CDH2: variants seen among roughly 807,000 people sequenced by gnomAD.
CDH2 encodes the protein cadherin 2, also known as cadherin-2.
In CDH2, 17 loss-of-function variants were observed where a neutral mutation model predicts 92.0. The observed-to-expected ratio is 0.18, with a 90% CI of 0.13 to 0.28. CDH2 has a LOEUF of 0.28. CDH2 is among the 10% of genes least tolerant of loss of function. The pLI is 1.00. For missense variants in CDH2, 862 were observed against 1,133.1 expected, an observed-to-expected ratio of 0.76 and a Z score of 3.44; for synonymous variants, 419 against 415.9, an observed-to-expected ratio of 1.01 and a Z score of -0.09.
intron 2 of CDH2, among the ~76,000 whole-genome samples, chr18:28,124,100 C>T (rs973957252): frequency 6.6e-6 from 1 of 151,972 alleles, no homozygotes; most frequent in African/African-American, 2.4e-5. Flanking sequence ...TTCCTTCAAA[C>T]CCCGAAAATA....
intron 2 of CDH2, among the ~76,000 whole-genome samples, chr18:28,080,537 A>T (rs530767844): frequency 2.0e-5 from 3 of 152,298 alleles, no homozygotes; most frequent in African/African-American, 7.2e-5. Context: ...AGAAATACTT[A>T]AAAAAACCTG....
At chr18:28,013,156 T>C (rs954839202) in intron 3 of CDH2, among the ~76,000 whole-genome samples, 2 of 152,332 alleles carry the variant, frequency 1.3e-5, no homozygotes, top group African/African-American at 4.8e-5. Context: ...ATGTACCTCA[T>C]TTATTTTATC....
At chr18:28,176,179 C>CTG (rs2016537791) in intron 1 of CDH2, among the ~76,000 whole-genome samples, 2 of 152,152 alleles carry the variant, frequency 1.3e-5, no homozygotes, top group South Asian at 4.1e-4. Flanking sequence ...GTACGGAAGG[C>CTG]TCCAGGCAAA....
Position 28,013,902 on chromosome 18 carries a change from A to C in CDH2, c.180T>G (p.Phe60Leu). Residue 60 changes from phenylalanine (F) to leucine (L), a missense_variant, in exon 3 of 16, where the codon TTT becomes TTG. Phe to Leu is a conservative substitution (Grantham distance 22, BLOSUM62 0). Transcript: ENST00000269141. ...CTTTTCTTTTTCCATTGCAGTTGCT[A>C]AACTTCACTGTAAAAGATAAGAAAT... ...HEGQPLLNVKFSNCNGKRKVQ... is the reference protein window; with the variant it reads ...HEGQPLLNVKLSNCNGKRKVQ... The C allele has an allele frequency of 6.2e-7, 1 of 1,610,912 alleles. No homozygotes were observed. Among genetic ancestry groups the C allele is most frequent in the Non-Finnish European group, 8.5e-7 (1 of 1,178,934 alleles).
chr18:28,068,696 C>T (rs1209297498), intron 2 of CDH2, among the ~76,000 whole-genome samples: 19 of 152,168 alleles, frequency 1.2e-4, no homozygotes. Context: ...TCACGCAGTG[C>T]TAGCAGATTT....
chr18:28,136,269 CA>C (rs2015860047), intron 2 of CDH2, among the ~76,000 whole-genome samples: 1 of 151,974 alleles, frequency 6.6e-6, no homozygotes, highest in African/African-American at 2.4e-5. Context: ...TCCTCTTTGC[CA>C]AAAATGTCTG....
At chr18:28,086,121 A>G (rs1247253751) in intron 2 of CDH2, among the ~76,000 whole-genome samples, 1 of 152,194 alleles carries the variant, frequency 6.6e-6, no homozygotes, top group Non-Finnish European at 1.5e-5. Context: ...AAGCAGCAAC[A>G]GTACAGCTAA....
At chr18:28,132,213 CAGTT>C (rs1202955399) in intron 2 of CDH2, among the ~76,000 whole-genome samples, 2 of 152,228 alleles carry the variant, frequency 1.3e-5, no homozygotes, top group African/African-American at 4.8e-5. Context: ...AACCCACTAT[CAGTT>C]AGGATGCAAC....
At chr18:27,982,259 T>C (rs2012079828) in intron 14 of CDH2, among the ~76,000 whole-genome samples, 1 of 152,208 alleles carries the variant, frequency 6.6e-6, no homozygotes, top group African/African-American at 2.4e-5. Flanking sequence ...ATGGAGATTT[T>C]TGTTTTCCAT....
At chr18:28,091,860 C>T (rs919796636) in intron 2 of CDH2, among the ~76,000 whole-genome samples, 13 of 152,098 alleles carry the variant, frequency 8.5e-5, no homozygotes, top group African/African-American at 2.9e-4. Flanking sequence ...CCATTACAGA[C>T]TGCCTGGCTT....
intron 13 of CDH2, among the ~76,000 whole-genome samples, chr18:27,983,797 A>G (rs1328893288): frequency 6.6e-6 from 1 of 152,284 alleles, no homozygotes; most frequent in Admixed American, 6.5e-5. Flanking sequence ...CTTCATTGCC[A>G]TAATCCATCA....
At chr18:27,985,825 T>C in intron 11 of CDH2, 64 bp from the exon 12 acceptor site, 8 of 957,128 alleles carry the variant, frequency 8.4e-6, no homozygotes, top group East Asian at 2.4e-5. Flanking sequence ...TCAATTATGG[T>C]GAAATTCTCA....
chr18:28,160,269 G>C (rs1276744969), intron 1 of CDH2, among the ~76,000 whole-genome samples: 1 of 152,108 alleles, frequency 6.6e-6, no homozygotes, highest in Non-Finnish European at 1.5e-5. Flanking sequence ...CAATTTGGGT[G>C]AGGGATGCCA....
chr18:27,947,936 T>C (rs1156302469), downstream of CDH2, among the ~76,000 whole-genome samples: 1 of 150,012 alleles, frequency 6.7e-6, no homozygotes, highest in African/African-American at 2.4e-5. Context: ...ATAACTTTGA[T>C]ATAAGTGTGT....
At chr18:28,062,309 T>A (rs2014419240) in intron 2 of CDH2, among the ~76,000 whole-genome samples, 1 of 152,208 alleles carries the variant, frequency 6.6e-6, no homozygotes. Context: ...TATTTATTAA[T>A]TTGTCCAATA....
At chr18:27,961,871 A>C (rs2143882742) in intron 15 of CDH2, among the ~76,000 whole-genome samples, 1 of 152,238 alleles carries the variant, frequency 6.6e-6, no homozygotes, top group South Asian at 2.1e-4. Context: ...AGTCTGAGGC[A>C]GGAGGATCAT....
rs756289185 is a variant in CDH2, at chr18:27,952,231, C to T, written c.2643G>A (p.Glu881=). Residue 881 remains glutamate (E), a synonymous_variant, in exon 16 of 16, where the codon GAG becomes GAA. Transcript: ENST00000269141. ...SSLNSSSSGG[E]QDYDYLNDWG... ...AGTCGTTCAGGTAATCATAGTCCTG[C>T]TCACCACCACTACTTGAGGAATTAA... The T allele has an allele frequency of 1.2e-6, 2 of 1,613,654 alleles. No homozygotes were observed. Among genetic ancestry groups the T allele is most frequent in the South Asian group, 2.2e-5 (2 of 91,082 alleles).
chr18:28,164,461 C>T (rs1382948204), intron 1 of CDH2, among the ~76,000 whole-genome samples: 1 of 152,162 alleles, frequency 6.6e-6, no homozygotes, highest in Non-Finnish European at 1.5e-5. Flanking sequence ...GCAATACTTC[C>T]TGCATCTAAT....
chr18:28,053,194 T>C (rs2014226048), intron 2 of CDH2, among the ~76,000 whole-genome samples: 2 of 151,426 alleles, frequency 1.3e-5, no homozygotes, highest in Admixed American at 6.6e-5. Flanking sequence ...TATTGTGTTA[T>C]GTCAGCTCAA....
Sources: gnomAD v4.1 joint callset for allele counts (sites outside exome capture counted in the v4.1 genomes callset) on GRCh38, gnomAD v4.1.1 for gene constraint, MANE v1.5 for transcripts, NCBI Gene and HGNC (gene_info 2026-07-23, HGNC 2026-07-21) for gene names.